TARS2: variants seen among roughly 807,000 people sequenced by gnomAD.
TARS2 encodes threonine--tRNA ligase, mitochondrial.
In TARS2, 61 loss-of-function variants were observed where a neutral mutation model predicts 94.4. The ratio of observed to expected loss-of-function variants is 0.65; its 90% CI spans 0.53 to 0.80. The LOEUF (loss-of-function observed/expected upper bound fraction) is 0.80, where lower values mean the gene tolerates loss of function less well. Among genes scored for constraint, TARS2 ranks in the 30% least tolerant of loss-of-function variants. The probability of loss-of-function intolerance (pLI) is 0.00; values close to 1 mark genes in which losing one functional copy is unlikely to be tolerated. For synonymous variants in TARS2, 359 were observed against 353.4 expected (o/e 1.02, Z -0.18); for missense variants, 704 against 902.5 (o/e 0.78, Z 2.82).
rs145105504 is a variant in TARS2, at chr1:150,500,533, C to T, written c.1617+1240C>T. 7.3e-3 allele frequency among the ~76,000 whole-genome samples: 1,111 copies of T among 152,032 alleles called. 17 individuals are homozygous for T. Among genetic ancestry groups the T allele is most frequent in the African/African-American group, 0.026 (1,072 of 41,472 alleles). On this transcript the variant is annotated intron_variant, in intron 13 of 17. Coordinates refer to ENST00000369064, the MANE Select transcript of TARS2 (RefSeq NM_025150.5). Reference sequence around the variant, plus strand: ...GCTGAACCTGGGAAGTTGCAGTGAGCCAAGATCACACCACTGCACCCTAGC... The same window carrying T: ...GCTGAACCTGGGAAGTTGCAGTGAGTCAAGATCACACCACTGCACCCTAGC...
chr1:150,503,633 G>GTGTGTATA, intron 13 of TARS2, among the ~76,000 whole-genome samples: 1 of 89,276 alleles, frequency 1.1e-5, no homozygotes, highest in South Asian at 3.0e-4. Context: ...GTGTATATAT[G>GTGTGTATA]TGTGTGTATA....
At chr1:150,499,944 T>G (rs1243139541) in intron 13 of TARS2, among the ~76,000 whole-genome samples, 1 of 147,166 alleles carries the variant, frequency 6.8e-6, no homozygotes, top group Non-Finnish European at 1.5e-5. Flanking sequence ...AGGCAGAGGC[T>G]GGGGATAAGG....
intron 13 of TARS2, among the ~76,000 whole-genome samples, chr1:150,501,151 G>GAAGAA (rs1190988351): frequency 6.6e-6 from 1 of 151,656 alleles, no homozygotes; most frequent in Non-Finnish European, 1.5e-5. Flanking sequence ...CTGAAGATAT[G>GAAGAA]AAGAAAAGGC....
chr1:150,490,114 C>CTTTTTTTTTT lies in TARS2; in HGVS notation c.388-474_388-465dup, dbSNP rs772454527. ...TGGCCTTCTTTCTTTTCTATTCAGT[C>CTTTTTTTTTT]TTTTTTTTTTTTTTTTTTTTTTGAG... On this transcript the variant is annotated intron_variant, in intron 3 of 17. Transcript: ENST00000369064. Among the ~76,000 whole-genome samples the CTTTTTTTTTT allele has an allele frequency of 2.5e-4, 20 of 80,192 alleles. 1 individual carries two copies. The highest frequency in any genetic ancestry group is 4.2e-4 in the African/African-American group (8 of 19,194). The allele number at this position is 80,192 out of a possible 152,430, so 52.6% of individuals were successfully genotyped here. A position where few individuals can be genotyped will look rare whatever the true frequency, so the allele number is the denominator to read the frequency against.
intron 13 of TARS2, among the ~76,000 whole-genome samples, chr1:150,503,657 ATG>A (rs1471307932): frequency 2.0e-5 from 3 of 149,208 alleles, no homozygotes; most frequent in Non-Finnish European, 3.0e-5. Flanking sequence ...GTGTGTATAT[ATG>A]TGTGTATATA....
At chr1:150,490,994 G>A (rs796689298) in intron 4 of TARS2, among the ~76,000 whole-genome samples, 1 of 151,968 alleles carries the variant, frequency 6.6e-6, no homozygotes, top group African/African-American at 2.4e-5. Context: ...GGTTGAGGCT[G>A]TGGTGAGCCA....
intron 13 of TARS2, among the ~76,000 whole-genome samples, chr1:150,503,902 CAA>C (rs1285986585): frequency 4.1e-4 from 26 of 63,730 alleles, no homozygotes; most frequent in Non-Finnish European, 4.9e-4. Flanking sequence ...GACTCTGTCT[CAA>C]AAAAAAAAAA....
rs747162498 is a variant in TARS2, at chr1:150,506,909, C to T, written c.2009-7C>T. On this transcript the variant is annotated splice_polypyrimidine_tract_variant and splice_region_variant and intron_variant, in intron 17 of 17. Coordinates refer to ENST00000369064, the MANE Select transcript of TARS2 (RefSeq NM_025150.5). ...CCCTGAGGTTCCCAAACTTCCTCTACCTGCAGTGGTTGGCCAGAAAGAGCA... is the reference window on the plus strand; with the variant it reads ...CCCTGAGGTTCCCAAACTTCCTCTATCTGCAGTGGTTGGCCAGAAAGAGCA... 1 of 1,614,000 alleles carries T rather than the reference C, an allele frequency of 6.2e-7. No homozygotes were observed. Among genetic ancestry groups the T allele is most frequent in the Non-Finnish European group, 8.5e-7 (1 of 1,179,952 alleles).
intron 7 of TARS2, among the ~76,000 whole-genome samples, chr1:150,493,557 C>T (rs1045416238): frequency 2.0e-5 from 3 of 150,126 alleles, no homozygotes; most frequent in East Asian, 2.0e-4. Context: ...AGTTCAAGAC[C>T]GGCCTGACCA....
At chr1:150,490,748 A>T (rs1189475683) in intron 4 of TARS2, 23 bp downstream of exon 4, 1 of 1,612,948 alleles carries the variant, frequency 6.2e-7, no homozygotes, top group Non-Finnish European at 8.5e-7. Flanking sequence ...AGGAAGGAGG[A>T]GAATGATTCT....
chr1:150,492,628 G>A, intron 7 of TARS2, 139 bp downstream of exon 7: 3 of 798,394 alleles, frequency 3.8e-6, no homozygotes, highest in East Asian at 5.9e-5. Flanking sequence ...TGGCCAATAT[G>A]GTGAAACCCC....
At chr1:150,488,856 T>G in intron 2 of TARS2, 108 bp from the exon 3 acceptor site, 1,044 of 1,455,772 alleles carry the variant, frequency 7.2e-4, no homozygotes, top group Non-Finnish European at 8.8e-4. Context: ...TCTACCACTG[T>G]GAGATCAACT....
At chr1:150,488,261 C>T (rs1408045615) in intron 2 of TARS2, 2 of 545,176 alleles carry the variant, frequency 3.7e-6, no homozygotes, top group Non-Finnish European at 6.2e-6. Flanking sequence ...TCTTGAACTC[C>T]TGGGCTCAAG....
Position 150,499,402 on chromosome 1 carries a change from C to G in TARS2, c.1617+109C>G. On this transcript the variant is annotated intron_variant, in intron 13 of 17. Coordinates refer to ENST00000369064, the MANE Select transcript of TARS2 (RefSeq NM_025150.5). Reference sequence around the variant, plus strand: ...TTTTTTTGAGACAGTCTCACTCTGTCACCCAGGCTAAAATGCAGTGGTGTG... The same window carrying G: ...TTTTTTTGAGACAGTCTCACTCTGTGACCCAGGCTAAAATGCAGTGGTGTG... 3 of 1,033,032 alleles carry G rather than the reference C, an allele frequency of 2.9e-6. No individual in the cohort carries two copies. In the South Asian group the frequency reaches 4.5e-5, roughly 15 times the overall value. 64.0% of individuals were successfully genotyped at this position (1,033,032 alleles called of 1,614,324 possible). A position where few individuals can be genotyped will look rare whatever the true frequency, so the allele number is the denominator to read the frequency against.
In TARS2 at chr1:150,503,671, GTGTGTA is replaced by G. The variant is rs1670060546; in HGVS notation, c.1618-662_1618-657del. On this transcript the variant is annotated intron_variant, in intron 13 of 17. Transcript: ENST00000369064. ...TGTGTGTATATATGTGTGTATATAT[GTGTGTA>G]TATATGTGTATATATATGTGTGTGT... Among the ~76,000 whole-genome samples, 22 of 149,352 alleles carry G rather than the reference GTGTGTA, an allele frequency of 1.5e-4. No individual in the cohort carries two copies. The South Asian group carries it at 1.9e-3, about 13-fold the overall frequency.
intron 13 of TARS2, among the ~76,000 whole-genome samples, chr1:150,501,382 A>C (rs1402696475): frequency 5.6e-5 from 7 of 124,092 alleles, no homozygotes; most frequent in African/African-American, 2.2e-4. Context: ...CAGTGGCTCG[A>C]TCTCGGCTCA....
chr1:150,492,073 C>T (rs1200173256), intron 6 of TARS2: 5 of 270,256 alleles, frequency 1.9e-5, no homozygotes, highest in Middle Eastern at 1.4e-3. Context: ...TCAAACAATT[C>T]TTCTGCCTCA....
rs1302481710 is a variant in TARS2, at chr1:150,507,337, A to G, written c.*273A>G. 33 of 329,984 alleles carry G rather than the reference A, an allele frequency of 1.0e-4. No homozygotes were observed. The highest frequency in any genetic ancestry group is 7.3e-5 in the Non-Finnish European group (13 of 178,188). 20.4% of individuals were successfully genotyped at this position (329,984 alleles called of 1,614,324 possible). ...GTAATCCCAGCACTCTGGGAGGCTG[A>G]GGCGGACGGATCATGAGGTCAGGAG... On this transcript the variant is annotated 3_prime_UTR_variant, in exon 18 of 18. Transcript: ENST00000369064.
chr1:150,487,721 G>A (rs1000840981), intron 1 of TARS2, 137 bp from the exon 2 acceptor site: 2 of 1,310,672 alleles, frequency 1.5e-6, no homozygotes, highest in Non-Finnish European at 2.1e-6. Context: ...CCCAGCCTAG[G>A]GTCTTGTATC....
Sources: allele counts gnomAD v4.1 joint callset (sites outside exome capture counted in the v4.1 genomes callset), GRCh38; gene constraint gnomAD v4.1.1; transcripts MANE v1.5; gene names NCBI Gene and HGNC (gene_info 2026-07-23, HGNC 2026-07-21).